The following EFHD2 variants were observed in gnomAD, a reference collection of about 807,000 sequenced individuals.
EFHD2 encodes the protein EF-hand domain-containing protein D2.
In EFHD2, 12 loss-of-function variants were observed where a neutral mutation model predicts 20.3. The observed-to-expected ratio is 0.59, with a 90% CI of 0.38 to 0.96. The LOEUF is 0.96. Ranked by LOEUF, EFHD2 falls within the 40% of genes least tolerant of loss-of-function variation. EFHD2 has a pLI of 0.00. For synonymous variants in EFHD2, 131 were observed against 143.9 expected (o/e 0.91, Z 0.64); for missense variants, 250 against 334.3 (o/e 0.75, Z 1.97).
intron 1 of EFHD2, among the ~76,000 whole-genome samples, chr1:15,420,256 T>G (rs988984300): frequency 6.6e-6 from 1 of 152,236 alleles, no homozygotes; most frequent in Admixed American, 6.5e-5. Context: ...ACAACTACTA[T>G]TACGATGATG....
intron 1 of EFHD2, among the ~76,000 whole-genome samples, chr1:15,414,518 A>G (rs1175593147): frequency 6.6e-6 from 1 of 152,248 alleles, no homozygotes; most frequent in Non-Finnish European, 1.5e-5. Context: ...CTTGGCACAG[A>G]GCAAGTCGTT....
intron 1 of EFHD2, among the ~76,000 whole-genome samples, chr1:15,418,597 A>ACG (rs1481303679): frequency 9.9e-5 from 15 of 151,672 alleles, no homozygotes; most frequent in East Asian, 3.9e-4. Flanking sequence ...GAGCCACGGC[A>ACG]CCCGGCCGCA....
At chr1:15,427,593 G>A (rs900457112) in intron 3 of EFHD2, among the ~76,000 whole-genome samples, 11 of 152,180 alleles carry the variant, frequency 7.2e-5, no homozygotes, top group African/African-American at 2.2e-4. Flanking sequence ...GCCTTAGGAG[G>A]GCAGGCCCAG....
intron 3 of EFHD2, among the ~76,000 whole-genome samples, chr1:15,427,581 G>A (rs1489107092): frequency 1.3e-5 from 2 of 152,240 alleles, no homozygotes; most frequent in Non-Finnish European, 2.9e-5. Context: ...ACAGAGGACT[G>A]GGCCTTAGGA....
At position 15,428,626 on chromosome 1, in the gene EFHD2, G is replaced by T. The variant is rs758055679; in HGVS notation, c.625G>T (p.Glu209Ter). The T allele has an allele frequency of 6.2e-7, 1 of 1,611,454 alleles. No homozygotes were observed. The highest frequency in any genetic ancestry group is 8.5e-7 in the Non-Finnish European group (1 of 1,179,248). ...QAINVSSRFE[E>*]EIKAEQEERK... ...CATCAACGTGTCCAGCCGCTTCGAG[G>T]AGGAGATCAAGGCAGAGCAGGAGGA... Residue 209 changes from glutamate (E) to a stop codon, truncating the protein, a stop_gained, in exon 4 of 4, where the codon GAG (glutamate) becomes TAG (stop). Transcript: ENST00000375980. LOFTEE classifies it high-confidence loss of function.
In EFHD2 at chr1:15,413,659, T is replaced by G. The variant is rs536285065; in HGVS notation, c.308+3380T>G. On this transcript the variant is annotated intron_variant, in intron 1 of 3. Transcript: ENST00000375980. The surrounding 1 kb of genome is among the most constrained non-coding windows in gnomAD (Gnocchi z 4.4). ...CCTGAAGGGTTGACTCCAACCCCTC[T>G]CCCCATTTGACAGAAGAGGGAACCA... 6.6e-6 allele frequency among the ~76,000 whole-genome samples: 1 copy of G among 152,202 alleles called. No homozygotes were observed. The highest frequency in any genetic ancestry group is 1.9e-4 in the East Asian group (1 of 5,176).
rs142944509 is a variant in EFHD2 at position 15,427,245 on chromosome 1, T to C, written c.552T>C (p.Ser184=). 13 of 1,608,512 alleles carry C rather than the reference T, an allele frequency of 8.1e-6. No individual in the cohort carries two copies. The African/African-American group carries it at 1.7e-4, about 21-fold the overall frequency. The change falls in exon 3 of 4, where the codon AGT becomes AGC. Residue 184 remains serine (S), a synonymous_variant. Coordinates refer to ENST00000375980, the MANE Select transcript of EFHD2 (RefSeq NM_024329.6). ...LARLSEIDVS[S]EGVKGAKSFF... ...GCCTCTCTGAGATCGACGTCTCCAG[T>C]GAGGGTGTCAAGGGGGCCAAGAGCT...
chr1:15,420,807 C>T (rs575171438), intron 1 of EFHD2, among the ~76,000 whole-genome samples: 5 of 152,194 alleles, frequency 3.3e-5, no homozygotes, highest in South Asian at 4.1e-4. Flanking sequence ...CATGAGCCAC[C>T]GCACCTGGCC....
At chr1:15,418,374 C>G (rs1297590260) in intron 1 of EFHD2, among the ~76,000 whole-genome samples, 1 of 136,064 alleles carries the variant, frequency 7.3e-6, no homozygotes, top group Non-Finnish European at 1.5e-5. Flanking sequence ...GGCGCGATCT[C>G]GGCTCACTGC....
chr1:15,423,543 C>A (rs1466856002), intron 1 of EFHD2, among the ~76,000 whole-genome samples: 1 of 152,184 alleles, frequency 6.6e-6, no homozygotes, highest in Non-Finnish European at 1.5e-5. Flanking sequence ...GTCTGGAAGC[C>A]CAGCTCCTTC....
At chr1:15,418,463 G>A (rs370650824) in intron 1 of EFHD2, among the ~76,000 whole-genome samples, 23 of 151,102 alleles carry the variant, frequency 1.5e-4, no homozygotes, top group Non-Finnish European at 2.2e-4. Flanking sequence ...CCACCATCAC[G>A]CCCGGCTAAT....
At chr1:15,427,361 C>T (rs1707890209) in intron 3 of EFHD2, 77 bp downstream of exon 3, 2 of 1,521,884 alleles carry the variant, frequency 1.3e-6, no homozygotes, top group Admixed American at 4.2e-5. Flanking sequence ...TAATAGGTCC[C>T]CTTCCCGTCC....
chr1:15,410,090 C>G lies in EFHD2; in HGVS notation c.119C>G (p.Ala40Gly). Residue 40 changes from alanine to glycine, a missense_variant, in exon 1 of 4, where the codon GCA becomes GGA. Ala to Gly is a moderately conservative substitution (Grantham distance 60). Around this residue, in one of 3 missense-constraint regions of EFHD2, gnomAD observed 143 missense variants for 190.6 expected, o/e 0.75. Coordinates refer to ENST00000375980, the MANE Select transcript of EFHD2 (RefSeq NM_024329.6). ...LNGAAAAAAG[A>G]PDEAAEALGS... ...GGGGCAGCGGCGGCGGCGGCGGGGG[C>G]ACCCGACGAGGCGGCCGAGGCGCTG... 2.1e-6 allele frequency: 3 copies of G among 1,427,070 alleles called. No individual in the cohort carries two copies. Among genetic ancestry groups the G allele is most frequent in the Non-Finnish European group, 2.7e-6 (3 of 1,095,382 alleles). The allele number at this position is 1,427,070 out of a possible 1,614,324, so 88.4% of individuals were successfully genotyped here.
At chr1:15,410,363 C>T in intron 1 of EFHD2, 84 bp downstream of exon 1, 1 of 1,442,130 alleles carries the variant, frequency 6.9e-7, no homozygotes, top group Non-Finnish European at 9.2e-7. Context: ...GATCCCGCTC[C>T]GCCCCGGGAG....
In EFHD2 at chr1:15,426,514, CTGGACCCCAGGAAGTACAGGGA is replaced by C. The variant is rs1430900542; in HGVS notation, c.456+511_456+532del. ...AGGCCCAAGCCAGACAGCGATGATA[CTGGACCCCAGGAAGTACAGGGA>C]TGGACCCCAGGAAGCACAGGGTTAG... On this transcript the variant is annotated intron_variant, in intron 2 of 3. Coordinates refer to ENST00000375980, the MANE Select transcript of EFHD2 (RefSeq NM_024329.6). This position sits in a 1 kb window ranked among gnomAD's most constrained non-coding sequence, Gnocchi z 4.6. Among the ~76,000 whole-genome samples, 1 of 152,144 alleles carries C rather than the reference CTGGACCCCAGGAAGTACAGGGA, an allele frequency of 6.6e-6. No individual in the cohort carries two copies. Among genetic ancestry groups the C allele is most frequent in the South Asian group, 2.1e-4 (1 of 4,814 alleles).
intron 1 of EFHD2, among the ~76,000 whole-genome samples, chr1:15,421,686 G>A (rs1463505212): frequency 2.6e-5 from 4 of 152,168 alleles, no homozygotes; most frequent in African/African-American, 9.7e-5. Context: ...AGCTGCCCCT[G>A]GCTGCAGAAG....
chr1:15,425,993 T>C lies in EFHD2; in HGVS notation c.431T>C (p.Phe144Ser). The change falls in exon 2 of 4, where the codon TTT becomes TCT. Residue 144 changes from phenylalanine to serine, a missense_variant. Around this residue, in one of 3 missense-constraint regions of EFHD2, gnomAD observed 7 missense variants for 27.5 expected, o/e 0.25. Coordinates refer to ENST00000375980, the MANE Select transcript of EFHD2 (RefSeq NM_024329.6). ...KNMIKEVDED[F>S]DSKLSFREFL... ...ATGATCAAGGAGGTGGATGAGGACTTTGACAGCAAGCTGAGCTTCCGGGAG... is the reference window on the plus strand; with the variant it reads ...ATGATCAAGGAGGTGGATGAGGACTCTGACAGCAAGCTGAGCTTCCGGGAG... 1 of 1,589,768 alleles carries C rather than the reference T, an allele frequency of 6.3e-7. No individual in the cohort carries two copies. The highest frequency in any genetic ancestry group is 8.5e-7 in the Non-Finnish European group (1 of 1,170,316).
At chr1:15,427,317 T>C (rs2103280929) in intron 3 of EFHD2, 33 bp downstream of exon 3, 2 of 1,588,852 alleles carry the variant, frequency 1.3e-6, no homozygotes, top group South Asian at 2.3e-5. Flanking sequence ...TGACCCACGC[T>C]CCAGGACAAG....
At position 15,428,768 on chromosome 1, in the gene EFHD2, G is replaced by A; in HGVS notation, c.*44G>A. 1 of 1,552,248 alleles carries A rather than the reference G, an allele frequency of 6.4e-7. No individual in the cohort carries two copies. Among genetic ancestry groups the A allele is most frequent in the Non-Finnish European group, 8.7e-7 (1 of 1,148,378 alleles). ...GCCCTGCTCCGGCCCCAGTGTGGTGGGCGAGGGTGGCGCATGGGAGGCCGA... is the reference window on the plus strand; with the variant it reads ...GCCCTGCTCCGGCCCCAGTGTGGTGAGCGAGGGTGGCGCATGGGAGGCCGA... On this transcript the variant is annotated 3_prime_UTR_variant, in exon 4 of 4. Coordinates refer to ENST00000375980, the MANE Select transcript of EFHD2 (RefSeq NM_024329.6).
Sources: allele counts gnomAD v4.1 joint callset (sites outside exome capture counted in the v4.1 genomes callset), GRCh38; gene constraint gnomAD v4.1.1; regional missense constraint gnomAD v4.1.1; non-coding constraint Gnocchi (gnomAD v3.1); transcripts MANE v1.5; gene names NCBI Gene and HGNC (gene_info 2026-07-23, HGNC 2026-07-21).